HIVEP1: variants seen among roughly 807,000 people sequenced by gnomAD.
The protein encoded by HIVEP1 is zinc finger protein 40.
Under a neutral mutation model 180.0 loss-of-function variants are expected in HIVEP1, and 36 were observed. That is an observed-to-expected ratio of 0.20 (90% CI 0.15 to 0.26). The LOEUF (loss-of-function observed/expected upper bound fraction) is 0.26, where lower values mean the gene tolerates loss of function less well. HIVEP1 is among the 10% of genes least tolerant of loss of function. The pLI is 1.00. For missense variants in HIVEP1, 3,143 were observed against 3,268.7 expected, an observed-to-expected ratio of 0.96 and a Z score of 0.94; for synonymous variants, 1,239 against 1,239.0, an observed-to-expected ratio of 1.00 and a Z score of 0.00.
At chr6:12,054,458 T>A (rs555397062) in intron 2 of HIVEP1, among the ~76,000 whole-genome samples, 7 of 151,134 alleles carry the variant, frequency 4.6e-5, no homozygotes, top group Non-Finnish European at 1.0e-4. Context: ...GTATCTAGAC[T>A]ATATATACAT....
chr6:12,134,496 T>C (rs537179210), intron 6 of HIVEP1, among the ~76,000 whole-genome samples: 9 of 152,342 alleles, frequency 5.9e-5, no homozygotes, highest in African/African-American at 1.9e-4. Flanking sequence ...TGAATAGATA[T>C]AGCTATTTTC....
chr6:12,083,006 T>G (rs1184728036), intron 2 of HIVEP1, among the ~76,000 whole-genome samples: 2 of 152,184 alleles, frequency 1.3e-5, no homozygotes, highest in East Asian at 3.9e-4. Flanking sequence ...TTACACAGTT[T>G]ATATTAAGAT....
At chr6:12,024,249 A>ATTTTTTTTTTTTTTT (rs201215779) in intron 2 of HIVEP1, among the ~76,000 whole-genome samples, 1 of 134,864 alleles carries the variant, frequency 7.4e-6, no homozygotes, top group Non-Finnish European at 1.6e-5. Context: ...ATTGATTTTG[A>ATTTTTTTTTTTTTTT]TTTTTTTTTT....
chr6:12,161,639 G>A lies in HIVEP1; in HGVS notation c.6688G>A (p.Glu2230Lys), dbSNP rs377571560. 8.1e-6 allele frequency: 13 copies of A among 1,613,970 alleles called. No individual in the cohort carries two copies. Among genetic ancestry groups the A allele is most frequent in the African/African-American group, 1.3e-5 (1 of 74,898 alleles). The change falls in exon 8 of 9, where the codon GAG (glutamate) becomes AAG (lysine). Residue 2230 changes from glutamate to lysine, a missense_variant. By Grantham distance (56) the Glu-to-Lys change is moderately conservative. Around this residue, in one of 12 missense-constraint regions of HIVEP1, gnomAD observed 595 missense variants for 602.2 expected, o/e 0.99. Coordinates refer to ENST00000379388, the MANE Select transcript of HIVEP1 (RefSeq NM_002114.4). The part of the protein sequence containing the change: ...SSLQDPVSTD[E>K]DVRITDCFSG... ...CCTTCAGGACCCTGTGAGTACTGAC[G>A]AGGATGTCAGGATCACCGATTGCTT...
chr6:12,066,002 C>T (rs903838209), intron 2 of HIVEP1, among the ~76,000 whole-genome samples: 13 of 151,910 alleles, frequency 8.6e-5, no homozygotes, highest in African/African-American at 2.9e-4. Context: ...TGAGGGCTTC[C>T]CAGGCAGGTG....
chr6:12,157,863 T>C (rs530454447), intron 7 of HIVEP1, among the ~76,000 whole-genome samples: 2 of 152,342 alleles, frequency 1.3e-5, no homozygotes, highest in South Asian at 4.1e-4. Flanking sequence ...TCTGTATTTC[T>C]CTTTCATCTT....
chr6:12,148,123 T>G (rs563968609), intron 7 of HIVEP1, among the ~76,000 whole-genome samples: 4 of 152,338 alleles, frequency 2.6e-5, no homozygotes, highest in African/African-American at 7.2e-5. Flanking sequence ...AGACATACAG[T>G]AGGAGTAGAA....
downstream of HIVEP1, among the ~76,000 whole-genome samples, chr6:12,168,084 C>T (rs1468978702): frequency 6.3e-4 from 29 of 45,956 alleles, 9 homozygotes; most frequent in Non-Finnish European, 1.1e-3. Flanking sequence ...TGTATATATA[C>T]ATATATACAC....
Position 12,122,605 on chromosome 6 carries a change from G to A in HIVEP1, c.2810G>A (p.Ser937Asn). 6.2e-7 allele frequency: 1 copy of A among 1,614,190 alleles called. No individual in the cohort carries two copies. The highest frequency in any genetic ancestry group is 1.3e-5 in the African/African-American group (1 of 75,038). The change falls in exon 4 of 9, where the codon AGC becomes AAC. Residue 937 changes from serine (S) to asparagine (N), a missense_variant. Ser to Asn is a conservative substitution (Grantham distance 46, BLOSUM62 1). This residue lies in a region of HIVEP1 where 204 missense variants were observed against 243.7 expected (regional missense o/e 0.84). Transcript: ENST00000379388. Reference sequence around the variant, plus strand: ...GCTGGTGAAGCCATGTCAGTGAGGAGCAAGGCACTGGCACAAGGCCCACAT... The same window carrying A: ...GCTGGTGAAGCCATGTCAGTGAGGAACAAGGCACTGGCACAAGGCCCACAT... ...HAAGEAMSVRSKALAQGPHIE... is the reference protein window; with the variant it reads ...HAAGEAMSVRNKALAQGPHIE...
intron 2 of HIVEP1, among the ~76,000 whole-genome samples, chr6:12,071,854 G>A (rs746201390): frequency 4.6e-5 from 7 of 152,066 alleles, no homozygotes; most frequent in Non-Finnish European, 1.0e-4. Flanking sequence ...TTAATTTTTT[G>A]TAATCTGTTT....
At chr6:12,113,639 C>G (rs141874449) in intron 3 of HIVEP1, among the ~76,000 whole-genome samples, 228 of 152,306 alleles carry the variant, frequency 1.5e-3, no homozygotes, top group African/African-American at 4.9e-3. Flanking sequence ...GTGTTCAAGG[C>G]CTAGAGTAAC....
intron 6 of HIVEP1, among the ~76,000 whole-genome samples, chr6:12,133,027 G>T (rs775563163): frequency 2.5e-4 from 38 of 152,106 alleles, no homozygotes; most frequent in Non-Finnish European, 5.0e-4. Flanking sequence ...ACTTATTATT[G>T]AAAGTGTCGG....
chr6:12,118,156 A>G (rs1025812672), intron 3 of HIVEP1, among the ~76,000 whole-genome samples: 2 of 141,802 alleles, frequency 1.4e-5, no homozygotes, highest in African/African-American at 2.6e-5. Context: ...TTTTTTTATT[A>G]TGGTGGGTAA....
Position 12,119,792 on chromosome 6 carries a change from C to T in HIVEP1, c.95-98C>T, listed in dbSNP as rs944962889. On this transcript the variant is annotated intron_variant, in intron 3 of 8. Coordinates refer to ENST00000379388, the MANE Select transcript of HIVEP1 (RefSeq NM_002114.4). Reference sequence around the variant, plus strand: ...TTCCTTAAATACTTTCTTCACTTGTCATAATGTCCTTATGATAGTAATCTT... The same window carrying T: ...TTCCTTAAATACTTTCTTCACTTGTTATAATGTCCTTATGATAGTAATCTT... 26 of 740,054 alleles carry T rather than the reference C, an allele frequency of 3.5e-5. No individual in the cohort carries two copies. The Admixed American group carries it at 4.2e-4, about 12-fold the overall frequency. The allele number at this position is 740,054 out of a possible 1,614,324, so 45.8% of individuals were successfully genotyped here. A position where few individuals can be genotyped will look rare whatever the true frequency, so the allele number is the denominator to read the frequency against.
intron 2 of HIVEP1, among the ~76,000 whole-genome samples, chr6:12,085,432 A>G (rs530807694): frequency 2.6e-5 from 4 of 152,244 alleles, no homozygotes; most frequent in South Asian, 4.1e-4. Context: ...AGAGGTAACT[A>G]GATTACAAAG....
At position 12,124,809 on chromosome 6, in the gene HIVEP1, A is replaced by G. The variant is rs1465332381; in HGVS notation, c.5014A>G (p.Thr1672Ala). ...TCTGCCCAATCAGCCAATTTGCCAG[A>G]CTAATCATAGTGTAGTGCCAATCAG... ...QDLPNQPICQ[T>A]NHSVVPISEE... The change falls in exon 4 of 9, where the codon ACT becomes GCT. Residue 1672 changes from threonine (T) to alanine (A), a missense_variant. Transcript: ENST00000379388. The G allele has an allele frequency of 1.2e-6, 2 of 1,614,192 alleles. No homozygotes were observed. The highest frequency in any genetic ancestry group is 1.1e-5 in the South Asian group (1 of 91,088).
At chr6:12,201,531 A>G in the HIVEP1 span, among the ~76,000 whole-genome samples, 37,404 of 152,040 alleles carry the variant, frequency 0.25, 4,887 homozygotes, top group East Asian at 0.5. Context: ...TTGAACATGT[A>G]TAAGGCACGG....
intron 6 of HIVEP1, among the ~76,000 whole-genome samples, chr6:12,132,661 A>G (rs1318497946): frequency 2.6e-5 from 4 of 152,190 alleles, no homozygotes; most frequent in African/African-American, 4.8e-5. Context: ...GCCTGTTAGC[A>G]CTTTTCATGT....
chr6:12,175,782 A>T, the HIVEP1 span, among the ~76,000 whole-genome samples: 1 of 152,148 alleles, frequency 6.6e-6, no homozygotes, highest in South Asian at 2.1e-4. Context: ...TCACTAAGGG[A>T]GGATGGGCTG....
Sources: allele counts gnomAD v4.1 joint callset (sites outside exome capture counted in the v4.1 genomes callset), GRCh38; gene constraint gnomAD v4.1.1; regional missense constraint gnomAD v4.1.1; transcripts MANE v1.5; gene names NCBI Gene and HGNC (gene_info 2026-07-23, HGNC 2026-07-21).